Variants in SNX18 observed in about 807,000 individuals in gnomAD.
SNX18 encodes sorting nexin-18.
Under a neutral mutation model 48.7 loss-of-function variants are expected in SNX18, and 35 were observed. The ratio of observed to expected loss-of-function variants is 0.72; its 90% CI spans 0.55 to 0.95. The LOEUF (loss-of-function observed/expected upper bound fraction) is 0.95. Among genes scored for constraint, SNX18 ranks in the 40% least tolerant of loss-of-function variants. The pLI is 0.00. For missense variants in SNX18, 824 were observed against 871.0 expected (o/e 0.95, Z 0.68); for synonymous variants, 492 against 384.7 (o/e 1.28, Z -3.26).
At chr5:54,634,557 C>T in the SNX18 span, among the ~76,000 whole-genome samples, 3 of 151,926 alleles carry the variant, frequency 2.0e-5, no homozygotes, top group East Asian at 3.9e-4. Flanking sequence ...CATCAGCGAT[C>T]CTTAGTGTTA....
chr5:54,638,987 A>G, the SNX18 span, among the ~76,000 whole-genome samples: 2 of 152,238 alleles, frequency 1.3e-5, no homozygotes, highest in African/African-American at 4.8e-5. Flanking sequence ...AATATTATTT[A>G]CTTTTTATTC....
chr5:54,615,152 G>T, the SNX18 span, among the ~76,000 whole-genome samples: 1 of 152,140 alleles, frequency 6.6e-6, no homozygotes, highest in Non-Finnish European at 1.5e-5. Context: ...ATCCATTTTG[G>T]TCTAACAATA....
chr5:54,628,882 A>G, the SNX18 span, among the ~76,000 whole-genome samples: 2 of 152,168 alleles, frequency 1.3e-5, no homozygotes, highest in Admixed American at 6.5e-5. Context: ...CAACCATGCA[A>G]GTCTACTCCT....
At chr5:54,525,791 C>CT (rs1311470968) in intron 1 of SNX18, among the ~76,000 whole-genome samples, 1 of 152,132 alleles carries the variant, frequency 6.6e-6, no homozygotes, top group Non-Finnish European at 1.5e-5. Context: ...TAAGAGTAGT[C>CT]TTAAGTATCC....
chr5:54,645,388 A>G, the SNX18 span: 4 of 152,374 alleles, frequency 2.6e-5, no homozygotes, highest in East Asian at 1.9e-4. Flanking sequence ...TTTGGATGCA[A>G]TAAGAGCTAT....
chr5:54,559,282 A>G, the SNX18 span, among the ~76,000 whole-genome samples: 5,278 of 152,292 alleles, frequency 0.035, 301 homozygotes, highest in African/African-American at 0.12. Flanking sequence ...TCTAACCAAA[A>G]AGAAGAAAGC....
At chr5:54,641,500 T>TG in the SNX18 span, among the ~76,000 whole-genome samples, 1 of 152,060 alleles carries the variant, frequency 6.6e-6, no homozygotes, top group Non-Finnish European at 1.5e-5. Flanking sequence ...CCAGGAGTGG[T>TG]GGAGGGAAGG....
the SNX18 span, among the ~76,000 whole-genome samples, chr5:54,613,339 C>T: frequency 6.6e-6 from 1 of 152,040 alleles, no homozygotes; most frequent in Non-Finnish European, 1.5e-5. Context: ...CTGGCAAGGG[C>T]TTCTCGGTGC....
chr5:54,556,098 T>C, the SNX18 span, among the ~76,000 whole-genome samples: 7 of 152,182 alleles, frequency 4.6e-5, no homozygotes, highest in Non-Finnish European at 8.8e-5. Flanking sequence ...ACTAACACAA[T>C]ATTTTATCAG....
At chr5:54,522,857 A>C (rs1762056977) in intron 1 of SNX18, among the ~76,000 whole-genome samples, 1 of 152,212 alleles carries the variant, frequency 6.6e-6, no homozygotes, top group Non-Finnish European at 1.5e-5. Context: ...TAGTGTACAT[A>C]CTTTCTGCAG....
the SNX18 span, among the ~76,000 whole-genome samples, chr5:54,631,564 C>A: frequency 6.6e-6 from 1 of 152,186 alleles, no homozygotes; most frequent in African/African-American, 2.4e-5. Flanking sequence ...TGAGCATCTA[C>A]TGTATGTAGG....
the SNX18 span, among the ~76,000 whole-genome samples, chr5:54,583,233 T>A: frequency 2.6e-4 from 39 of 152,344 alleles, no homozygotes; most frequent in African/African-American, 8.7e-4. Context: ...CACCTCAGCC[T>A]CCTAAAGTGC....
intron 1 of SNX18, chr5:54,520,108 C>T (rs182425782): frequency 1.4e-4 from 55 of 381,634 alleles, no homozygotes; most frequent in Non-Finnish European, 2.6e-4. Context: ...AGAATTCTTG[C>T]CTGCAACCTT....
chr5:54,639,913 C>T, the SNX18 span, among the ~76,000 whole-genome samples: 1 of 152,134 alleles, frequency 6.6e-6, no homozygotes, highest in African/African-American at 2.4e-5. Context: ...TGTGGGCCCA[C>T]GCACTATAAG....
At chr5:54,593,135 G>GA in the SNX18 span, among the ~76,000 whole-genome samples, 1 of 152,054 alleles carries the variant, frequency 6.6e-6, no homozygotes, top group Non-Finnish European at 1.5e-5. Context: ...GCTGCTCTAT[G>GA]AAAAAAATTC....
chr5:54,573,393 T>C, the SNX18 span, among the ~76,000 whole-genome samples: 1 of 152,166 alleles, frequency 6.6e-6, no homozygotes, highest in African/African-American at 2.4e-5. Flanking sequence ...TCCCTTGAGA[T>C]CTGGATTGGG....
the SNX18 span, among the ~76,000 whole-genome samples, chr5:54,597,816 A>C: frequency 6.6e-6 from 1 of 152,276 alleles, no homozygotes; most frequent in African/African-American, 2.4e-5. Context: ...CCCTAGCACC[A>C]CAACAAAAAT....
the SNX18 span, among the ~76,000 whole-genome samples, chr5:54,599,499 A>G: frequency 5.8e-4 from 89 of 152,306 alleles, 1 homozygote; most frequent in South Asian, 4.1e-3. Context: ...TTTATATGGA[A>G]CCAAAAAAGA....
At chr5:54,643,406 ATAGCAATACT>A in the SNX18 span, among the ~76,000 whole-genome samples, 8 of 152,334 alleles carry the variant, frequency 5.3e-5, no homozygotes, top group South Asian at 1.2e-3. Flanking sequence ...CATTCAATTT[ATAGCAATACT>A]TAGCACACAA....
Sources: gnomAD v4.1 joint callset for allele counts (sites outside exome capture counted in the v4.1 genomes callset) on GRCh38, gnomAD v4.1.1 for gene constraint, MANE v1.5 for transcripts, NCBI Gene and HGNC (gene_info 2026-07-23, HGNC 2026-07-21) for gene names.